The following PRKG1 variants were observed in gnomAD, a reference collection of about 807,000 sequenced individuals.
PRKG1 encodes cGMP-dependent protein kinase 1.
PRKG1 carries 35 observed loss-of-function variants against 88.1 expected under a neutral mutation model. The observed-to-expected ratio is 0.40, with a 90% CI of 0.30 to 0.53. The LOEUF is 0.53. PRKG1 is among the 20% of genes least tolerant of loss of function. The pLI is 0.59. For missense variants in PRKG1, 540 were observed against 839.8 expected (o/e 0.64, Z 4.41); for synonymous variants, 303 against 292.5 (o/e 1.04, Z -0.37).
chr10:51,243,079 G>T (rs1047132655), intron 2 of PRKG1, among the ~76,000 whole-genome samples: 2 of 152,102 alleles, frequency 1.3e-5, no homozygotes, highest in Non-Finnish European at 2.9e-5. Context: ...ACTTGGAAAT[G>T]CCCCTTAATT....
intron 1 of PRKG1, among the ~76,000 whole-genome samples, chr10:50,999,337 T>G (rs1842864443): frequency 6.6e-6 from 1 of 152,246 alleles, no homozygotes; most frequent in South Asian, 2.1e-4. Context: ...TGATTTCATC[T>G]GAGTGTTTAT....
At chr10:52,229,283 C>A (rs1655994247) in intron 9 of PRKG1, among the ~76,000 whole-genome samples, 1 of 152,168 alleles carries the variant, frequency 6.6e-6, no homozygotes, top group East Asian at 1.9e-4. Flanking sequence ...AGTAGAAAAT[C>A]TGAGATTTAG....
chr10:51,913,407 A>C (rs1842267900), intron 5 of PRKG1, among the ~76,000 whole-genome samples: 1 of 152,146 alleles, frequency 6.6e-6, no homozygotes, highest in South Asian at 2.1e-4. Flanking sequence ...TGTTGTCCTC[A>C]TTTTTATGTC....
chr10:51,760,255 A>G (rs1225164765), intron 3 of PRKG1, among the ~76,000 whole-genome samples: 1 of 152,134 alleles, frequency 6.6e-6, no homozygotes, highest in Non-Finnish European at 1.5e-5. Context: ...CTTTTATGTA[A>G]TCTTGTTTTC....
chr10:51,666,591 C>T (rs926839087), intron 3 of PRKG1, among the ~76,000 whole-genome samples: 18 of 152,142 alleles, frequency 1.2e-4, no homozygotes, highest in African/African-American at 3.9e-4. Context: ...ATAAATGCTA[C>T]TTACCCTTGA....
At chr10:51,235,951 G>A (rs559580146) in intron 2 of PRKG1, among the ~76,000 whole-genome samples, 1 of 152,252 alleles carries the variant, frequency 6.6e-6, no homozygotes, top group Non-Finnish European at 1.5e-5. Flanking sequence ...AATTTTGAAT[G>A]TATCAGAATC....
At chr10:51,785,218 G>A (rs1398660879) in intron 3 of PRKG1, among the ~76,000 whole-genome samples, 1 of 151,504 alleles carries the variant, frequency 6.6e-6, no homozygotes, top group African/African-American at 2.4e-5. Flanking sequence ...GTGGGAACCA[G>A]TGCATGAAAT....
At chr10:51,086,091 G>A (rs950638425) in intron 1 of PRKG1, among the ~76,000 whole-genome samples, 2 of 152,114 alleles carry the variant, frequency 1.3e-5, no homozygotes, top group South Asian at 2.1e-4. Context: ...GGAACTAAGC[G>A]AGAACTAAGT....
chr10:52,291,399 T>TC (rs71459443), intron 17 of PRKG1, among the ~76,000 whole-genome samples: 1 of 85,322 alleles, frequency 1.2e-5, no homozygotes, highest in Non-Finnish European at 2.2e-5. Context: ...AAGCTATCCC[T>TC]CCCCCCTCCC....
intron 7 of PRKG1, among the ~76,000 whole-genome samples, chr10:52,123,619 T>A (rs949020609): frequency 2.0e-5 from 3 of 152,156 alleles, no homozygotes; most frequent in African/African-American, 7.2e-5. Context: ...TTAGAAGAAA[T>A]TGTTCTGTAA....
intron 1 of PRKG1, among the ~76,000 whole-genome samples, chr10:51,103,512 G>A (rs1347922128): frequency 6.6e-6 from 1 of 152,180 alleles, no homozygotes; most frequent in Non-Finnish European, 1.5e-5. Flanking sequence ...GTCACTGATT[G>A]TGATGATAGA....
intron 2 of PRKG1, among the ~76,000 whole-genome samples, chr10:51,331,502 T>C (rs1049325118): frequency 2.6e-5 from 4 of 152,202 alleles, no homozygotes; most frequent in African/African-American, 9.6e-5. Context: ...CAAAGTCCTG[T>C]GCTCACTTTC....
chr10:52,123,939 C>G (rs893263077), intron 7 of PRKG1, among the ~76,000 whole-genome samples: 2 of 152,114 alleles, frequency 1.3e-5, no homozygotes, highest in Admixed American at 6.6e-5. Flanking sequence ...TTCTTTTACT[C>G]AATCTCTGAA....
At chr10:51,826,168 G>GTACATTT (rs1159412396) in intron 4 of PRKG1, among the ~76,000 whole-genome samples, 1 of 152,078 alleles carries the variant, frequency 6.6e-6, no homozygotes, top group Non-Finnish European at 1.5e-5. Context: ...GACTGTGGTA[G>GTACATTT]TACATTTAAC....
At chr10:51,000,807 AGAAAGTTTTGG>A (rs1249719772) in intron 1 of PRKG1, among the ~76,000 whole-genome samples, 1 of 152,190 alleles carries the variant, frequency 6.6e-6, no homozygotes, top group Non-Finnish European at 1.5e-5. Flanking sequence ...AGGGTACACA[AGAAAGTTTTGG>A]GAAAGATTGT....
intron 1 of PRKG1, among the ~76,000 whole-genome samples, chr10:51,022,327 C>T (rs966121944): frequency 6.6e-6 from 1 of 152,166 alleles, no homozygotes; most frequent in South Asian, 2.1e-4. Flanking sequence ...GAGGCTGGAG[C>T]CCCCTGTGTC....
rs181368152 is a variant in PRKG1, at chr10:52,038,163, T to G, written c.763-16321T>G. ...TAAGGCATTTAGGTTTTAGGTCAGG[T>G]GTGAGTTGAAGAGGTTTTAAGTTTT... On this transcript the variant is annotated intron_variant, in intron 5 of 17. Coordinates refer to ENST00000373980, the MANE Select transcript of PRKG1 (RefSeq NM_006258.4). Among the ~76,000 whole-genome samples, 468 of 151,920 alleles carry G rather than the reference T, an allele frequency of 3.1e-3. 2 individuals are homozygous for G. Among genetic ancestry groups the G allele is most frequent in the Middle Eastern group, 0.01 (3 of 292 alleles).
intron 3 of PRKG1, among the ~76,000 whole-genome samples, chr10:51,702,805 T>A (rs1341680451): frequency 6.6e-6 from 1 of 152,058 alleles, no homozygotes; most frequent in Non-Finnish European, 1.5e-5. Context: ...CAAGCAATTC[T>A]CCTGCCTTAG....
At chr10:52,242,011 A>C (rs759786244) in intron 9 of PRKG1, 1 of 152,204 alleles carries the variant, frequency 6.6e-6, no homozygotes, top group Non-Finnish European at 1.5e-5. Context: ...GCTATGGCAA[A>C]GATGTCCTCA....
Sources: allele counts gnomAD v4.1 joint callset (sites outside exome capture counted in the v4.1 genomes callset), GRCh38; gene constraint gnomAD v4.1.1; transcripts MANE v1.5; gene names NCBI Gene and HGNC (gene_info 2026-07-23, HGNC 2026-07-21).